The following SNTG1 variants were observed in gnomAD, a reference collection of about 807,000 sequenced individuals.
SNTG1 encodes gamma-1-syntrophin.
A neutral mutation model predicts 74.7 loss-of-function variants in SNTG1; 39 were observed. The ratio of observed to expected loss-of-function variants is 0.52; its 90% CI spans 0.40 to 0.68. The LOEUF is 0.68. SNTG1 is among the 30% of genes least tolerant of loss of function. The pLI is 0.00. For missense variants in SNTG1, 685 were observed against 609.5 expected (o/e 1.12, Z -1.30); for synonymous variants, 254 against 217.1 (o/e 1.17, Z -1.49).
chr8:50,504,243 C>G (rs1322080290), intron 9 of SNTG1, among the ~76,000 whole-genome samples: 2 of 152,074 alleles, frequency 1.3e-5, no homozygotes, highest in African/African-American at 4.8e-5. Context: ...TCCAGTCTAA[C>G]ACTAATAGGC....
intron 8 of SNTG1, among the ~76,000 whole-genome samples, chr8:50,489,306 GGGTCAGATGATATTTCTT>G (rs2093828699): frequency 6.6e-6 from 1 of 152,178 alleles, no homozygotes; most frequent in Non-Finnish European, 1.5e-5. Flanking sequence ...TGGGATTGCT[GGGTCAGATGATATTTCTT>G]GTTCTAGATC....
chr8:50,314,122 C>T lies in SNTG1; in HGVS notation c.-27-80090C>T, dbSNP rs960807954. ...CCATGAGCTCATCCAGTCATCCCCTCTAGGCCCCTTCAGTGGACAGTTACT... is the reference window on the plus strand; with the variant it reads ...CCATGAGCTCATCCAGTCATCCCCTTTAGGCCCCTTCAGTGGACAGTTACT... On this transcript the variant is annotated intron_variant, in intron 2 of 18. Coordinates refer to ENST00000642720, the MANE Select transcript of SNTG1 (RefSeq NM_018967.5). Among the ~76,000 whole-genome samples the T allele has an allele frequency of 2.5e-4, 37 of 149,720 alleles. 2 individuals are homozygous for T. The highest frequency in any genetic ancestry group is 7.0e-4 in the African/African-American group (28 of 40,114).
intron 2 of SNTG1, among the ~76,000 whole-genome samples, chr8:50,289,910 A>C (rs2088997633): frequency 6.6e-6 from 1 of 152,158 alleles, no homozygotes; most frequent in South Asian, 2.1e-4. Context: ...CGGAATGTAC[A>C]CATAGTAGGC....
intron 1 of SNTG1, among the ~76,000 whole-genome samples, chr8:50,024,666 T>A (rs559851853): frequency 6.6e-5 from 10 of 152,234 alleles, no homozygotes; most frequent in African/African-American, 2.4e-4. Context: ...TTAGGCACAG[T>A]CAGAGATTAA....
At chr8:50,721,767 G>A (rs1196652912) in intron 17 of SNTG1, among the ~76,000 whole-genome samples, 1 of 152,126 alleles carries the variant, frequency 6.6e-6, no homozygotes, top group Non-Finnish European at 1.5e-5. Context: ...ATTGTATACT[G>A]GGAAATTGCA....
intron 11 of SNTG1, among the ~76,000 whole-genome samples, chr8:50,551,047 A>G (rs1038740732): frequency 1.3e-5 from 2 of 152,070 alleles, no homozygotes; most frequent in Non-Finnish European, 2.9e-5. Flanking sequence ...AGATCCACCA[A>G]TTATTCAGAA....
At chr8:50,162,176 C>G (rs945652886) in intron 1 of SNTG1, among the ~76,000 whole-genome samples, 1 of 152,142 alleles carries the variant, frequency 6.6e-6, no homozygotes, top group Non-Finnish European at 1.5e-5. Flanking sequence ...CTTGTCAGAG[C>G]AGCTCTGTGA....
intron 1 of SNTG1, among the ~76,000 whole-genome samples, chr8:50,127,430 C>T (rs1199975618): frequency 6.6e-6 from 1 of 152,136 alleles, no homozygotes; most frequent in Admixed American, 6.6e-5. Context: ...GGTTCAGTTA[C>T]AACAGGTGCT....
intron 2 of SNTG1, among the ~76,000 whole-genome samples, chr8:50,304,122 T>G (rs1055809775): frequency 2.0e-5 from 3 of 152,206 alleles, no homozygotes; most frequent in African/African-American, 7.2e-5. Flanking sequence ...CTGAGGGTTG[T>G]GCCCTCATGA....
chr8:50,470,922 C>T (rs1023295749), intron 8 of SNTG1, among the ~76,000 whole-genome samples: 1 of 152,148 alleles, frequency 6.6e-6, no homozygotes, highest in South Asian at 2.1e-4. Context: ...TTACAGAGAG[C>T]TAATTTGTCC....
intron 9 of SNTG1, among the ~76,000 whole-genome samples, chr8:50,523,111 T>A (rs2094193284): frequency 6.6e-6 from 1 of 152,130 alleles, no homozygotes; most frequent in Non-Finnish European, 1.5e-5. Context: ...TCTTCAAACT[T>A]TTTTTTCTGT....
chr8:50,535,634 AT>A (rs1386845971), intron 10 of SNTG1, among the ~76,000 whole-genome samples: 1 of 152,202 alleles, frequency 6.6e-6, no homozygotes, highest in Non-Finnish European at 1.5e-5. Context: ...GACTTAGTAC[AT>A]TTTTATTTGC....
chr8:50,773,899 A>T (rs949875826), intron 18 of SNTG1, among the ~76,000 whole-genome samples: 7 of 152,144 alleles, frequency 4.6e-5, no homozygotes, highest in Non-Finnish European at 1.0e-4. Flanking sequence ...TGTTAATGAA[A>T]GGATAGAAGT....
chr8:50,551,448 T>C (rs922169307), intron 11 of SNTG1, among the ~76,000 whole-genome samples: 1 of 152,152 alleles, frequency 6.6e-6, no homozygotes, highest in Non-Finnish European at 1.5e-5. Flanking sequence ...AGCTGCTATT[T>C]AAAGCAGAGA....
intron 13 of SNTG1, among the ~76,000 whole-genome samples, chr8:50,638,933 G>C (rs1169873140): frequency 6.6e-6 from 1 of 151,996 alleles, no homozygotes; most frequent in African/African-American, 2.4e-5. Flanking sequence ...AGCTATCACT[G>C]TTTTACTTTA....
intron 1 of SNTG1, among the ~76,000 whole-genome samples, chr8:50,056,653 G>A (rs1820047635): frequency 2.6e-5 from 4 of 152,184 alleles, no homozygotes; most frequent in Non-Finnish European, 5.9e-5. Flanking sequence ...GAAAGATGAC[G>A]ACATTTCCTT....
intron 2 of SNTG1, among the ~76,000 whole-genome samples, chr8:50,194,177 G>A: frequency 6.6e-6 from 1 of 152,056 alleles, no homozygotes; most frequent in East Asian, 1.9e-4. Flanking sequence ...GGTGATGCTG[G>A]CTCCATAAAT....
chr8:50,699,511 GA>G (rs796705619), intron 15 of SNTG1, among the ~76,000 whole-genome samples: 68 of 150,238 alleles, frequency 4.5e-4, no homozygotes, highest in African/African-American at 1.4e-3. Context: ...CAGCCATCTT[GA>G]AAAAAAAACC....
At chr8:50,176,191 T>G (rs1267683762) in intron 2 of SNTG1, among the ~76,000 whole-genome samples, 2 of 152,174 alleles carry the variant, frequency 1.3e-5, no homozygotes, top group African/African-American at 4.8e-5. Flanking sequence ...CTGCAATTGG[T>G]CCTTCTGCTG....
Sources: gnomAD v4.1 joint callset for allele counts (sites outside exome capture counted in the v4.1 genomes callset) on GRCh38, gnomAD v4.1.1 for gene constraint, MANE v1.5 for transcripts, NCBI Gene and HGNC (gene_info 2026-07-23, HGNC 2026-07-21) for gene names.